GALNTL6: variants seen among roughly 807,000 people sequenced by gnomAD.
GALNTL6 encodes polypeptide N-acetylgalactosaminyltransferase-like 6.
In GALNTL6, 46 loss-of-function variants were observed where a neutral mutation model predicts 73.7. The ratio of observed to expected loss-of-function variants is 0.62; its 90% CI spans 0.49 to 0.80. The LOEUF (loss-of-function observed/expected upper bound fraction) is 0.80, where lower values mean the gene tolerates loss of function less well. GALNTL6 is among the 30% of genes least tolerant of loss of function. The pLI is 0.00. For missense variants in GALNTL6, 604 were observed against 755.0 expected (o/e 0.80, Z 2.34); for synonymous variants, 259 against 263.7 (o/e 0.98, Z 0.17).
intron 9 of GALNTL6, 117 bp from the exon 10 acceptor site, chr4:172,951,920 G>A: frequency 2.8e-6 from 2 of 723,772 alleles, no homozygotes; most frequent in Non-Finnish European, 4.6e-6. Flanking sequence ...CCACCAACCA[G>A]GGCTGCCTGA....
intron 5 of GALNTL6, among the ~76,000 whole-genome samples, chr4:172,722,930 G>GT (rs1317957041): frequency 6.6e-6 from 1 of 152,100 alleles, no homozygotes; most frequent in East Asian, 1.9e-4. Flanking sequence ...TTCCAGTTCT[G>GT]TAGGTTAGAA....
chr4:171,934,687 A>G (rs1466020520), intron 2 of GALNTL6, among the ~76,000 whole-genome samples: 1 of 152,090 alleles, frequency 6.6e-6, no homozygotes, highest in Non-Finnish European at 1.5e-5. Context: ...AACTGTTGGG[A>G]TTATGGGCAT....
At chr4:172,435,675 T>A (rs1418247376) in intron 5 of GALNTL6, among the ~76,000 whole-genome samples, 3 of 152,166 alleles carry the variant, frequency 2.0e-5, no homozygotes, top group Non-Finnish European at 4.4e-5. Flanking sequence ...GTATCTTTCA[T>A]AATTATTGTT....
At chr4:172,558,240 T>G (rs1438584429) in intron 5 of GALNTL6, among the ~76,000 whole-genome samples, 4 of 152,130 alleles carry the variant, frequency 2.6e-5, no homozygotes, top group Non-Finnish European at 5.9e-5. Context: ...GAGAACAGCA[T>G]GAACAAACTT....
rs118188160 is a variant in GALNTL6 at position 172,551,705 on chromosome 4, G to T, written c.553+203016G>T. ...GTAGGAGGAATGCTATTGTTTGGAA[G>T]AATATACTACCAACATAAACTAGCT... On this transcript the variant is annotated intron_variant, in intron 5 of 12. Transcript: ENST00000506823. 5.6e-4 allele frequency among the ~76,000 whole-genome samples: 86 copies of T among 152,228 alleles called. 1 individual carries two copies. The East Asian group carries it at 0.016, about 29-fold the overall frequency.
chr4:172,207,135 A>G (rs771001470), intron 2 of GALNTL6, among the ~76,000 whole-genome samples: 4 of 151,986 alleles, frequency 2.6e-5, no homozygotes, highest in Admixed American at 2.6e-4. Flanking sequence ...TAAATGGGAG[A>G]GTCTTACAAC....
chr4:172,619,931 A>G (rs1551448), intron 5 of GALNTL6, among the ~76,000 whole-genome samples: 1 of 152,314 alleles, frequency 6.6e-6, no homozygotes, highest in East Asian at 1.9e-4. Context: ...TCTCCTGTGT[A>G]TAGGCAATTA....
intron 3 of GALNTL6, among the ~76,000 whole-genome samples, chr4:172,250,694 C>T (rs764877105): frequency 6.6e-6 from 1 of 152,136 alleles, no homozygotes; most frequent in Non-Finnish European, 1.5e-5. Flanking sequence ...GTCTCCCCAG[C>T]ACTGCAGAAT....
At chr4:172,307,948 T>C (rs1740202674) in intron 3 of GALNTL6, among the ~76,000 whole-genome samples, 1 of 150,402 alleles carries the variant, frequency 6.6e-6, no homozygotes. Context: ...TTTGGTAGTA[T>C]GGTCATTTTC....
At chr4:172,400,896 T>G (rs545327097) in intron 5 of GALNTL6, among the ~76,000 whole-genome samples, 1 of 152,240 alleles carries the variant, frequency 6.6e-6, no homozygotes, top group East Asian at 1.9e-4. Context: ...GTTTACTGAG[T>G]AATACATGTT....
intron 2 of GALNTL6, among the ~76,000 whole-genome samples, chr4:172,090,550 T>C (rs553547696): frequency 6.6e-6 from 1 of 152,332 alleles, no homozygotes; most frequent in African/African-American, 2.4e-5. Context: ...ATGGGGTTGT[T>C]TTTTTCTTGT....
chr4:172,099,576 A>G (rs1231422314), intron 2 of GALNTL6, among the ~76,000 whole-genome samples: 2 of 152,118 alleles, frequency 1.3e-5, no homozygotes, highest in Non-Finnish European at 1.5e-5. Flanking sequence ...AGGGAGAGGG[A>G]ATGGCAAGGG....
chr4:172,162,007 TG>T (rs1208089892), intron 2 of GALNTL6, among the ~76,000 whole-genome samples: 1 of 152,094 alleles, frequency 6.6e-6, no homozygotes, highest in Non-Finnish European at 1.5e-5. Flanking sequence ...TGATTAAGTT[TG>T]TTCATGGGCA....
intron 3 of GALNTL6, among the ~76,000 whole-genome samples, chr4:172,287,751 T>A (rs1170065955): frequency 1.3e-5 from 2 of 152,168 alleles, no homozygotes; most frequent in Admixed American, 1.3e-4. Context: ...TGGCAGATAG[T>A]AACTGCTTTG....
chr4:172,725,056 G>A (rs1735717367), intron 5 of GALNTL6, among the ~76,000 whole-genome samples: 1 of 151,896 alleles, frequency 6.6e-6, no homozygotes, highest in African/African-American at 2.4e-5. Context: ...TTTTTCCCCT[G>A]TCTCCGTGCT....
intron 2 of GALNTL6, among the ~76,000 whole-genome samples, chr4:172,045,013 A>T (rs886239063): frequency 2.6e-5 from 4 of 152,090 alleles, no homozygotes; most frequent in African/African-American, 9.6e-5. Context: ...GTGTATCACC[A>T]ACTGTAATTT....
chr4:171,908,275 T>C (rs552181495), intron 2 of GALNTL6, among the ~76,000 whole-genome samples: 3 of 151,690 alleles, frequency 2.0e-5, no homozygotes, highest in Non-Finnish European at 4.4e-5. Context: ...CCAGAATCTA[T>C]AATGAACTCA....
intron 5 of GALNTL6, among the ~76,000 whole-genome samples, chr4:172,735,960 A>C (rs1320304249): frequency 6.6e-6 from 1 of 152,188 alleles, no homozygotes; most frequent in Non-Finnish European, 1.5e-5. Context: ...GGTTTTCAAA[A>C]GGGGAGGGAG....
intron 1 of GALNTL6, 29 bp from the exon 2 acceptor site, chr4:171,814,383 G>A (rs940157556): frequency 2.2e-5 from 13 of 602,042 alleles, no homozygotes; most frequent in African/African-American, 1.7e-4. Context: ...GTTTTCTGGG[G>A]GGAAAGTAAC....
Sources: gnomAD v4.1 joint callset for allele counts (sites outside exome capture counted in the v4.1 genomes callset) on GRCh38, gnomAD v4.1.1 for gene constraint, MANE v1.5 for transcripts, NCBI Gene and HGNC (gene_info 2026-07-23, HGNC 2026-07-21) for gene names.